FBXL7: variants seen among roughly 807,000 people sequenced by gnomAD.
FBXL7 encodes F-box and leucine rich repeat protein 7.
FBXL7 carries 12 observed loss-of-function variants against 38.3 expected under a neutral mutation model. The observed-to-expected ratio is 0.31, with a 90% CI of 0.20 to 0.51. FBXL7 has a LOEUF of 0.51. FBXL7 is among the 20% of genes least tolerant of loss of function. FBXL7 has a pLI of 0.98. For synonymous variants in FBXL7, 297 were observed against 300.9 expected (o/e 0.99, Z 0.13); for missense variants, 567 against 676.4 (o/e 0.84, Z 1.79).
At chr5:15,856,904 G>A (rs1334607268) in intron 2 of FBXL7, among the ~76,000 whole-genome samples, 2 of 152,022 alleles carry the variant, frequency 1.3e-5, no homozygotes, top group African/African-American at 2.4e-5. Context: ...GCATATTGCG[G>A]TCATTTTTAA....
chr5:15,884,256 C>CTTTCTTTT (rs1231190028), intron 2 of FBXL7, among the ~76,000 whole-genome samples: 3 of 151,752 alleles, frequency 2.0e-5, no homozygotes, highest in African/African-American at 7.3e-5. Context: ...AATCTTCTTT[C>CTTTCTTTT]TTTCTTTCTT....
At chr5:15,551,284 G>A (rs1411919389) in intron 1 of FBXL7, among the ~76,000 whole-genome samples, 1 of 152,132 alleles carries the variant, frequency 6.6e-6, no homozygotes, top group Non-Finnish European at 1.5e-5. Context: ...ACGTTGCCAT[G>A]GAACTCCTTT....
intron 2 of FBXL7, among the ~76,000 whole-genome samples, chr5:15,634,435 C>T (rs750724338): frequency 2.6e-5 from 4 of 151,002 alleles, no homozygotes; most frequent in Non-Finnish European, 4.4e-5. Flanking sequence ...AATTCTCCTG[C>T]CTCAGCCTCC....
intron 2 of FBXL7, among the ~76,000 whole-genome samples, chr5:15,692,313 A>G (rs992335691): frequency 6.6e-6 from 1 of 152,226 alleles, no homozygotes; most frequent in African/African-American, 2.4e-5. Flanking sequence ...AATACTAAGT[A>G]TTAGCCCTTG....
At chr5:15,713,414 A>G (rs1743941239) in intron 2 of FBXL7, among the ~76,000 whole-genome samples, 1 of 152,148 alleles carries the variant, frequency 6.6e-6, no homozygotes, top group Non-Finnish European at 1.5e-5. Context: ...CAGCCAAACC[A>G]TATCATCCCT....
chr5:15,573,515 G>A (rs6862606), intron 1 of FBXL7, among the ~76,000 whole-genome samples: 56,269 of 152,040 alleles, frequency 0.37, 10,616 homozygotes, highest in African/African-American at 0.43. Context: ...TCTTTTTAAT[G>A]ATGGTGATGT....
chr5:15,848,392 G>GT (rs902574269), intron 2 of FBXL7, among the ~76,000 whole-genome samples: 5 of 151,796 alleles, frequency 3.3e-5, no homozygotes, highest in Non-Finnish European at 5.9e-5. Context: ...TTTTGTTTTT[G>GT]TTTTTTTGAG....
chr5:15,587,460 T>A (rs1739338172), intron 1 of FBXL7, among the ~76,000 whole-genome samples: 1 of 152,182 alleles, frequency 6.6e-6, no homozygotes, highest in Admixed American at 6.5e-5. Flanking sequence ...GATTTGAAAT[T>A]CCATGTTTAT....
At chr5:15,525,509 C>T (rs531708362) in intron 1 of FBXL7, among the ~76,000 whole-genome samples, 14 of 152,164 alleles carry the variant, frequency 9.2e-5, no homozygotes, top group South Asian at 2.1e-4. Context: ...CACCTATGCA[C>T]GGGTACACAA....
At chr5:15,689,579 A>C (rs1179762956) in intron 2 of FBXL7, among the ~76,000 whole-genome samples, 1 of 152,142 alleles carries the variant, frequency 6.6e-6, no homozygotes, top group Non-Finnish European at 1.5e-5. Context: ...CTTATCTATA[A>C]AATAGAAAAA....
At chr5:15,634,809 A>G (rs573784386) in intron 2 of FBXL7, among the ~76,000 whole-genome samples, 6 of 151,994 alleles carry the variant, frequency 3.9e-5, no homozygotes, top group Non-Finnish European at 8.8e-5. Flanking sequence ...TGTCTTTCCC[A>G]TCTAGTTTCA....
intron 1 of FBXL7, among the ~76,000 whole-genome samples, chr5:15,596,694 G>C (rs1444656532): frequency 6.6e-6 from 1 of 152,188 alleles, no homozygotes; most frequent in African/African-American, 2.4e-5. Context: ...CGGGGAGAAG[G>C]GCTGAAGGTT....
chr5:15,685,241 G>C (rs534692146), intron 2 of FBXL7, among the ~76,000 whole-genome samples: 3 of 152,130 alleles, frequency 2.0e-5, no homozygotes, highest in South Asian at 2.1e-4. Flanking sequence ...GTGAATATAC[G>C]CTGGGATGCA....
At chr5:15,902,715 A>G (rs1579588453) in intron 2 of FBXL7, among the ~76,000 whole-genome samples, 1 of 152,370 alleles carries the variant, frequency 6.6e-6, no homozygotes, top group East Asian at 1.9e-4. Flanking sequence ...AGGAAGCAGC[A>G]GTAGAGTTGG....
At chr5:15,723,548 T>C (rs961992134) in intron 2 of FBXL7, among the ~76,000 whole-genome samples, 2 of 152,146 alleles carry the variant, frequency 1.3e-5, no homozygotes, top group Admixed American at 6.5e-5. Flanking sequence ...ACTGCTGACA[T>C]AGAGTTGAGA....
At chr5:15,787,565 T>C (rs1286055181) in intron 2 of FBXL7, among the ~76,000 whole-genome samples, 2 of 152,158 alleles carry the variant, frequency 1.3e-5, no homozygotes, top group African/African-American at 4.8e-5. Flanking sequence ...AGAAGTTTGA[T>C]TGTGGTCAGA....
intron 2 of FBXL7, among the ~76,000 whole-genome samples, chr5:15,710,487 C>A (rs1032879843): frequency 7.2e-5 from 11 of 152,134 alleles, no homozygotes; most frequent in Admixed American, 6.5e-4. Context: ...TAGACTCATA[C>A]ATGCACATGC....
intron 3 of FBXL7, among the ~76,000 whole-genome samples, chr5:15,930,615 T>A (rs1742014737): frequency 6.6e-6 from 1 of 152,200 alleles, no homozygotes. Flanking sequence ...AGCCTTGATA[T>A]CTGTCTTGTA....
chr5:15,870,059 G>A (rs375219198), intron 2 of FBXL7, among the ~76,000 whole-genome samples: 7 of 152,106 alleles, frequency 4.6e-5, no homozygotes, highest in Non-Finnish European at 8.8e-5. Flanking sequence ...ATAGTGATCC[G>A]CGATTGCACC....
Sources: gnomAD v4.1 joint callset for allele counts (sites outside exome capture counted in the v4.1 genomes callset) on GRCh38, gnomAD v4.1.1 for gene constraint, MANE v1.5 for transcripts, NCBI Gene and HGNC (gene_info 2026-07-23, HGNC 2026-07-21) for gene names.